Variants in FCGR3A observed in about 807,000 individuals in gnomAD.
FCGR3A encodes Fc gamma receptor IIIa.
Under a neutral mutation model 24.1 loss-of-function variants are expected in FCGR3A, and 13 were observed. That is an observed-to-expected ratio of 0.54 (90% CI 0.35 to 0.86). FCGR3A has a LOEUF of 0.86. Among genes scored for constraint, FCGR3A ranks in the 40% least tolerant of loss-of-function variants. The pLI is 0.01. For missense variants in FCGR3A, 235 were observed against 298.0 expected (o/e 0.79, Z 1.56); for synonymous variants, 93 against 112.2 (o/e 0.83, Z 1.08).
chr1:161,548,907 C>A (rs1047103438), intron 2 of FCGR3A, 104 bp downstream of exon 2: 2 of 1,274,110 alleles, frequency 1.6e-6, no homozygotes, highest in East Asian at 2.4e-5. Context: ...CCTGCTAACC[C>A]CACATCAGCA....
chr1:161,550,059 T>G, upstream of FCGR3A: 1 of 603,684 alleles, frequency 1.7e-6, no homozygotes, highest in Non-Finnish European at 2.9e-6. Flanking sequence ...CATCCCAGGA[T>G]GCTTGCCCCA....
At chr1:161,549,900 A>C (rs1677671293), upstream of FCGR3A, 2 of 1,591,020 alleles carry the variant, frequency 1.3e-6, no homozygotes, top group Non-Finnish European at 1.7e-6. Flanking sequence ...CTCAGTCTGA[A>C]GTCTGGCAAG....
At chr1:161,547,482 C>T (rs1301565455) in intron 3 of FCGR3A, among the ~76,000 whole-genome samples, 1 of 152,196 alleles carries the variant, frequency 6.6e-6, no homozygotes, top group South Asian at 2.1e-4. Flanking sequence ...GGAAAGACCT[C>T]TGCCTTCAAA....
chr1:161,543,462 A>C (rs1464763054), intron 4 of FCGR3A, among the ~76,000 whole-genome samples: 1 of 152,214 alleles, frequency 6.6e-6, no homozygotes, highest in Non-Finnish European at 1.5e-5. Context: ...TTAACAAGTT[A>C]GGTTGTAAGC....
chr1:161,543,175 G>T lies in FCGR3A; in HGVS notation c.602C>A (p.Ser201Ter). 6.2e-7 allele frequency: 1 copy of T among 1,613,478 alleles called. No individual in the cohort carries two copies. Among genetic ancestry groups the T allele is most frequent in the Non-Finnish European group, 8.5e-7 (1 of 1,179,620 alleles). ...TQGLAVSTISSFFPPGYQVSF... is the reference protein window; with the variant it reads ...TQGLAVSTIS ...GACTTGGTACCCAGGTGGAAAGAAT[G>T]ATGAGATGGTTGACACTGCCAAACC... The change falls in exon 5 of 5, where the codon TCA (serine) becomes TAA (stop). Residue 201 changes from serine to a stop codon, truncating the protein, a stop_gained. Transcript: ENST00000443193. LOFTEE classifies it low-confidence loss of function (END_TRUNC).
chr1:161,544,670 C>T (rs147902411), intron 4 of FCGR3A, 31 bp downstream of exon 4: 26,431 of 1,606,530 alleles, frequency 0.016, 412 homozygotes, highest in Non-Finnish European at 0.02. Flanking sequence ...CACAGGCGTC[C>T]CTGGGCATTC....
Position 161,549,776 on chromosome 1 carries a change from G to C in FCGR3A, c.-40C>G. 1 of 1,613,848 alleles carries C rather than the reference G, an allele frequency of 6.2e-7. No homozygotes were observed. Among genetic ancestry groups the C allele is most frequent in the Non-Finnish European group, 8.5e-7 (1 of 1,179,892 alleles). On this transcript the variant is annotated 5_prime_UTR_variant, in exon 1 of 5. Transcript: ENST00000443193. The stretch of plus-strand genomic sequence containing the variant: ...GTGGACAAGTCACCAAAGATATCCG[G>C]AGCCCTAAAGGGACCAAACCGACTA...
At chr1:161,550,177 A>G (rs1331988877), upstream of FCGR3A, 4 of 500,572 alleles carry the variant, frequency 8.0e-6, no homozygotes, top group Non-Finnish European at 1.4e-5. Context: ...ATTTCACCTC[A>G]GAACTTGTCA....
rs796087111 is a variant in FCGR3A, at chr1:161,545,047, A to G, written c.320-89T>C. 9 of 1,549,052 alleles carry G rather than the reference A, an allele frequency of 5.8e-6. No individual in the cohort carries two copies. The East Asian group carries it at 1.1e-4, about 20-fold the overall frequency. On this transcript the variant is annotated intron_variant, in intron 3 of 4. Coordinates refer to ENST00000443193, the MANE Select transcript of FCGR3A (RefSeq NM_000569.8). Reference sequence around the variant, plus strand: ...GGCCACGTACCACCCAGATCCTGAGACATAAGGGAAAGCCAGATTGGGAGT... The same window carrying G: ...GGCCACGTACCACCCAGATCCTGAGGCATAAGGGAAAGCCAGATTGGGAGT...
chr1:161,550,121 G>C, upstream of FCGR3A: 1 of 529,044 alleles, frequency 1.9e-6, no homozygotes, highest in East Asian at 3.1e-5. Flanking sequence ...TGAGACCCTG[G>C]GGATGAGATT....
rs1175910667 is a variant in FCGR3A, at chr1:161,543,057, C to T, written c.720G>A (p.Trp240Ter). 1.2e-6 allele frequency: 2 copies of T among 1,613,206 alleles called. No individual in the cohort carries two copies. Among genetic ancestry groups the T allele is most frequent in the South Asian group, 2.2e-5 (2 of 90,980 alleles). ...KTNIRSSTRDWKDHKFKWRKD... is the reference protein window; with the variant it reads ...KTNIRSSTRD ...TTCTCCATTTAAATTTATGGTCCTTCCAGTCTCTTGTTGAGCTTCGAATGT... is the reference window on the plus strand; with the variant it reads ...TTCTCCATTTAAATTTATGGTCCTTTCAGTCTCTTGTTGAGCTTCGAATGT... Residue 240 changes from tryptophan (W) to a stop codon, truncating the protein, a stop_gained, in exon 5 of 5, where the codon TGG becomes TGA. Transcript: ENST00000443193. LOFTEE classifies it low-confidence loss of function (END_TRUNC).
intron 3 of FCGR3A, chr1:161,545,344 A>G (rs1272361699): frequency 1.4e-5 from 3 of 217,982 alleles, no homozygotes; most frequent in Non-Finnish European, 2.7e-5. Flanking sequence ...TTTGAAAATG[A>G]TGAATTGCCC....
At chr1:161,550,466 G>A (rs955641548), upstream of FCGR3A, 2 of 157,950 alleles carry the variant, frequency 1.3e-5, no homozygotes, top group Admixed American at 1.3e-4. Flanking sequence ...CAAGTCACCA[G>A]CGAAAGGCTG....
At chr1:161,549,653 A>T in intron 1 of FCGR3A, 44 bp downstream of exon 1, 1 of 1,611,050 alleles carries the variant, frequency 6.2e-7, no homozygotes, top group Non-Finnish European at 8.5e-7. Context: ...GCTGAACCCA[A>T]GGCATCTCAA....
chr1:161,549,989 A>C, upstream of FCGR3A: 3 of 854,470 alleles, frequency 3.5e-6, no homozygotes, highest in Non-Finnish European at 5.4e-6. Context: ...TTACTCCCTC[A>C]AAGGTCTGTG....
In FCGR3A at chr1:161,544,712, G is replaced by A; in HGVS notation, c.566C>T (p.Thr189Ile). Residue 189 changes from threonine (T) to isoleucine (I), a missense_variant, in exon 4 of 5, where the codon ACC (threonine) becomes ATC (isoleucine). Coordinates refer to ENST00000443193, the MANE Select transcript of FCGR3A (RefSeq NM_000569.8). ...KNVSSETVNI[T>I]ITQGLAVSTI... ...GGCACATGTCTCACCTTGAGTGATGGTGATGTTCACAGTCTCTGAAGACAC... is the reference window on the plus strand; with the variant it reads ...GGCACATGTCTCACCTTGAGTGATGATGATGTTCACAGTCTCTGAAGACAC... 6.2e-7 allele frequency: 1 copy of A among 1,611,604 alleles called. No individual in the cohort carries two copies. The highest frequency in any genetic ancestry group is 8.5e-7 in the Non-Finnish European group (1 of 1,178,250).
intron 4 of FCGR3A, 130 bp downstream of exon 4, chr1:161,544,571 A>C: frequency 2.1e-6 from 2 of 950,814 alleles, no homozygotes; most frequent in East Asian, 5.1e-5. Context: ...CCTGGTGATC[A>C]CCAGGAGGGA....
chr1:161,546,903 TCAAAAA>T (rs985071963), intron 3 of FCGR3A, among the ~76,000 whole-genome samples: 5 of 151,650 alleles, frequency 3.3e-5, no homozygotes, highest in Non-Finnish European at 4.4e-5. Context: ...AGACTCTGTC[TCAAAAA>T]CAAAAACAAA....
intron 4 of FCGR3A, among the ~76,000 whole-genome samples, chr1:161,544,041 T>A (rs1267064352): frequency 6.6e-6 from 1 of 152,310 alleles, no homozygotes; most frequent in Non-Finnish European, 1.5e-5. Flanking sequence ...GAAACTTATT[T>A]ATTTATTTTT....
Sources: allele counts gnomAD v4.1 joint callset (sites outside exome capture counted in the v4.1 genomes callset), GRCh38; gene constraint gnomAD v4.1.1; transcripts MANE v1.5; gene names NCBI Gene and HGNC (gene_info 2026-07-23, HGNC 2026-07-21).